Variants in XXYLT1 observed in about 807,000 individuals in gnomAD.
XXYLT1 encodes the protein xyloside xylosyltransferase 1, also known as UDP-xylose:alpha-xyloside alpha-1,3-xylosyltransferase.
XXYLT1 carries 20 observed loss-of-function variants against 28.9 expected under a neutral mutation model. That is an observed-to-expected ratio of 0.69 (90% CI 0.49 to 1.00). XXYLT1 has a LOEUF of 1.00. Ranked by LOEUF, XXYLT1 falls within the 50% of genes least tolerant of loss-of-function variation. The pLI is 0.00. For synonymous variants in XXYLT1, 257 were observed against 253.8 expected (o/e 1.01, Z -0.12); for missense variants, 542 against 560.1 (o/e 0.97, Z 0.33).
chr3:195,238,437 C>T (rs577937809), intron 1 of XXYLT1, among the ~76,000 whole-genome samples: 16 of 152,346 alleles, frequency 1.1e-4, no homozygotes, highest in African/African-American at 3.8e-4. Flanking sequence ...GTTTCTCTAT[C>T]GGCTGCATGG....
At chr3:195,238,844 G>A (rs1324705580) in intron 1 of XXYLT1, among the ~76,000 whole-genome samples, 1 of 152,190 alleles carries the variant, frequency 6.6e-6, no homozygotes, top group East Asian at 1.9e-4. Flanking sequence ...CTGACAAGAG[G>A]GTTCTCGCAG....
chr3:195,118,997 C>A (rs1718192881), intron 3 of XXYLT1, among the ~76,000 whole-genome samples: 1 of 152,048 alleles, frequency 6.6e-6, no homozygotes, highest in Admixed American at 6.5e-5. Context: ...TGGAAATAAG[C>A]CCAGGCGCGG....
rs1208879387 is a variant in XXYLT1, at chr3:195,176,714, C to T, written c.653-20133G>A. Among the ~76,000 whole-genome samples, 1 of 152,160 alleles carries T rather than the reference C, an allele frequency of 6.6e-6. No individual in the cohort carries two copies. The highest frequency in any genetic ancestry group is 1.9e-4 in the East Asian group (1 of 5,204). The stretch of plus-strand genomic sequence containing the variant: ...CACAGCTGGCACTCCCTTACGCTTA[C>T]CTAAGGACTCTAAACATGCAAAAGG... On this transcript the variant is annotated intron_variant, in intron 2 of 3. Coordinates refer to ENST00000310380, the MANE Select transcript of XXYLT1 (RefSeq NM_152531.5). This position sits in a 1 kb window ranked among gnomAD's most constrained non-coding sequence, Gnocchi z 4.9.
At chr3:195,248,212 A>G (rs1725113244) in intron 1 of XXYLT1, among the ~76,000 whole-genome samples, 1 of 152,236 alleles carries the variant, frequency 6.6e-6, no homozygotes, top group Non-Finnish European at 1.5e-5. Context: ...AGTACTAAGA[A>G]GAAAGCTTTA....
At chr3:195,145,211 AAGC>A (rs1303063783) in intron 3 of XXYLT1, among the ~76,000 whole-genome samples, 1 of 152,214 alleles carries the variant, frequency 6.6e-6, no homozygotes, top group Non-Finnish European at 1.5e-5. Context: ...TTATTGAGAG[AAGC>A]AGCGGGCTTG....
intron 3 of XXYLT1, among the ~76,000 whole-genome samples, chr3:195,122,511 G>T (rs1343345898): frequency 1.3e-5 from 2 of 149,870 alleles, no homozygotes; most frequent in East Asian, 2.0e-4. Flanking sequence ...GCAGCTCAGT[G>T]TCTAGCTGAG....
At chr3:195,179,346 A>G (rs1721831879) in intron 2 of XXYLT1, among the ~76,000 whole-genome samples, 1 of 151,906 alleles carries the variant, frequency 6.6e-6, no homozygotes, top group Admixed American at 6.6e-5. Context: ...GTCTCAAAAA[A>G]AAAAAGAAAA....
intron 2 of XXYLT1, among the ~76,000 whole-genome samples, chr3:195,192,428 A>AAAAAT (rs1397116054): frequency 6.9e-6 from 1 of 145,570 alleles, no homozygotes; most frequent in African/African-American, 2.5e-5. Flanking sequence ...CTGTCTCAAG[A>AAAAAT]AAAAAAAAAA....
Position 195,256,144 on chromosome 3 carries a change from G to C in XXYLT1, c.504+14411C>G, listed in dbSNP as rs1308044887. ...CAAGAACAAACCGCCAAAATCAACA[G>C]GCATCGGGCAGAGTGCTGAAGAATC... On this transcript the variant is annotated intron_variant, in intron 1 of 3. Coordinates refer to ENST00000310380, the MANE Select transcript of XXYLT1 (RefSeq NM_152531.5). The surrounding 1 kb of genome is among the most constrained non-coding windows in gnomAD (Gnocchi z 4.2). Among the ~76,000 whole-genome samples the C allele has an allele frequency of 6.6e-6, 1 of 152,212 alleles. No homozygotes were observed. Among genetic ancestry groups the C allele is most frequent in the Non-Finnish European group, 1.5e-5 (1 of 68,030 alleles).
At chr3:195,185,785 C>G (rs1286331450) in intron 2 of XXYLT1, among the ~76,000 whole-genome samples, 2 of 152,124 alleles carry the variant, frequency 1.3e-5, no homozygotes, top group Non-Finnish European at 2.9e-5. Flanking sequence ...CCAACCCTTA[C>G]TTCTCTAAAA....
At chr3:195,230,527 TTTAA>T (rs1724255983) in intron 1 of XXYLT1, among the ~76,000 whole-genome samples, 2 of 151,592 alleles carry the variant, frequency 1.3e-5, no homozygotes, top group African/African-American at 2.4e-5. Flanking sequence ...TGGTCTTAGA[TTTAA>T]GTCTTTAATC....
At position 195,118,838 on chromosome 3, in the gene XXYLT1, G is replaced by A. The variant is rs144484038; in HGVS notation, c.785+37611C>T. ...TTTCAGAATTCCCGAAGGAGGTGACGTAGTAAACTTTCGAAACGTAGTTCC... is the reference window on the plus strand; with the variant it reads ...TTTCAGAATTCCCGAAGGAGGTGACATAGTAAACTTTCGAAACGTAGTTCC... On this transcript the variant is annotated intron_variant, in intron 3 of 3. Coordinates refer to ENST00000310380, the MANE Select transcript of XXYLT1 (RefSeq NM_152531.5). Among the ~76,000 whole-genome samples the A allele has an allele frequency of 3.9e-5, 6 of 152,304 alleles. No homozygotes were observed. In the East Asian group the frequency reaches 5.8e-4, roughly 15 times the overall value.
At position 195,124,553 on chromosome 3, in the gene XXYLT1, T is replaced by G. The variant is rs1718520854; in HGVS notation, c.785+31896A>C. Reference sequence around the variant, plus strand: ...ATTCCGTGGGGGCAAGGACCACGTTTGTTTTGCTCACGAACGCAGCCCCAG... The same window carrying G: ...ATTCCGTGGGGGCAAGGACCACGTTGGTTTTGCTCACGAACGCAGCCCCAG... On this transcript the variant is annotated intron_variant, in intron 3 of 3. Transcript: ENST00000310380. This position sits in a 1 kb window ranked among gnomAD's most constrained non-coding sequence, Gnocchi z 4.1. Among the ~76,000 whole-genome samples the G allele has an allele frequency of 6.6e-6, 1 of 152,202 alleles. No individual in the cohort carries two copies. The highest frequency in any genetic ancestry group is 1.5e-5 in the Non-Finnish European group (1 of 68,040).
intron 3 of XXYLT1, among the ~76,000 whole-genome samples, chr3:195,108,858 G>A (rs1031077221): frequency 6.6e-6 from 1 of 152,184 alleles, no homozygotes; most frequent in East Asian, 1.9e-4. Context: ...CCTCCATGAA[G>A]CTAGAAAGTA....
chr3:195,105,320 A>G lies in XXYLT1; in HGVS notation c.786-35209T>C, dbSNP rs149842627. ...GTTTTAACAGACGAATTTTCCCTCT[A>G]CTAAATCTTTGAGTAAAACTGACTC... On this transcript the variant is annotated intron_variant, in intron 3 of 3. Coordinates refer to ENST00000310380, the MANE Select transcript of XXYLT1 (RefSeq NM_152531.5). Among the ~76,000 whole-genome samples, 74 of 152,352 alleles carry G rather than the reference A, an allele frequency of 4.9e-4. 1 individual carries two copies. The highest frequency in any genetic ancestry group is 2.9e-3 in the East Asian group (15 of 5,192).
intron 1 of XXYLT1, among the ~76,000 whole-genome samples, chr3:195,249,300 G>A (rs1018765664): frequency 3.3e-5 from 5 of 152,296 alleles, no homozygotes; most frequent in South Asian, 2.1e-4. Context: ...CCCACCAGGC[G>A]ATGTTCAGGA....
At chr3:195,219,016 G>C (rs1469508693) in intron 2 of XXYLT1, among the ~76,000 whole-genome samples, 1 of 151,870 alleles carries the variant, frequency 6.6e-6, no homozygotes, top group Non-Finnish European at 1.5e-5. Context: ...TCCTTTGTAG[G>C]GACATGGATG....
At chr3:195,201,670 C>A (rs993118467) in intron 2 of XXYLT1, among the ~76,000 whole-genome samples, 2 of 152,286 alleles carry the variant, frequency 1.3e-5, no homozygotes, top group African/African-American at 4.8e-5. Flanking sequence ...GCTGGCTGGC[C>A]CCTCTAGACC....
At chr3:195,268,900 C>G (rs1725929626) in intron 1 of XXYLT1, among the ~76,000 whole-genome samples, 1 of 152,132 alleles carries the variant, frequency 6.6e-6, no homozygotes. Context: ...GAGTGCCAGG[C>G]ATTGTACATA....
Sources: gnomAD v4.1 joint callset for allele counts (sites outside exome capture counted in the v4.1 genomes callset) on GRCh38, gnomAD v4.1.1 for gene constraint, Gnocchi (gnomAD v3.1) non-coding constraint, MANE v1.5 for transcripts, NCBI Gene and HGNC (gene_info 2026-07-23, HGNC 2026-07-21) for gene names.